The following PREX2 variants were observed in gnomAD, a reference collection of about 807,000 sequenced individuals.
PREX2 encodes phosphatidylinositol 3,4,5-trisphosphate-dependent Rac exchanger 2 protein.
Under a neutral mutation model 203.2 loss-of-function variants are expected in PREX2, and 107 were observed. That is an observed-to-expected ratio of 0.53 (90% CI 0.45 to 0.62). The LOEUF is 0.62. Ranked by LOEUF, PREX2 falls within the 20% of genes least tolerant of loss-of-function variation. The pLI, the probability that PREX2 is intolerant of heterozygous loss-of-function variation, is 0.00. For missense variants in PREX2, 1,777 were observed against 1,955.9 expected (o/e 0.91, Z 1.72); for synonymous variants, 672 against 663.6 (o/e 1.01, Z -0.19).
chr8:67,994,922 T>C (rs1444788112), intron 1 of PREX2, among the ~76,000 whole-genome samples: 1 of 152,102 alleles, frequency 6.6e-6, no homozygotes, highest in African/African-American at 2.4e-5. Context: ...TGCTAAGGAG[T>C]TCTACATGGT....
At chr8:68,057,800 G>C (rs1193015414) in intron 10 of PREX2, among the ~76,000 whole-genome samples, 1 of 152,196 alleles carries the variant, frequency 6.6e-6, no homozygotes, top group Admixed American at 6.5e-5. Flanking sequence ...CCATTGCAAT[G>C]CTGCCTAGTT....
At chr8:68,026,229 A>G (rs1807711968) in intron 4 of PREX2, among the ~76,000 whole-genome samples, 1 of 152,054 alleles carries the variant, frequency 6.6e-6, no homozygotes, top group African/African-American at 2.4e-5. Flanking sequence ...ACACATATTG[A>G]GGCTGATATG....
rs563557828 is a variant in PREX2, at chr8:68,217,044, G to A, written c.4605-572G>A. ...CTCACCAGTCACTAAATGCTGGTTA[G>A]AACACTTTTCTCAGGGCTACTCTGG... On this transcript the variant is annotated intron_variant, in intron 37 of 39. Transcript: ENST00000288368. Among the ~76,000 whole-genome samples the A allele has an allele frequency of 3.3e-5, 5 of 151,850 alleles. No individual in the cohort carries two copies. The South Asian group carries it at 1.0e-3, about 32-fold the overall frequency.
At chr8:67,975,118 A>G (rs959177587) in intron 1 of PREX2, among the ~76,000 whole-genome samples, 45 of 152,116 alleles carry the variant, frequency 3.0e-4, no homozygotes, top group African/African-American at 7.5e-4. Flanking sequence ...TGAATGGATG[A>G]TTTTTATTTT....
chr8:67,991,111 T>G (rs1806594230), intron 1 of PREX2, among the ~76,000 whole-genome samples: 1 of 152,218 alleles, frequency 6.6e-6, no homozygotes, highest in Non-Finnish European at 1.5e-5. Context: ...GGCTATATGC[T>G]TGATTTTAGA....
intron 25 of PREX2, chr8:68,110,936 A>G (rs924295235): frequency 4.6e-6 from 2 of 436,204 alleles, no homozygotes; most frequent in East Asian, 7.3e-5. Context: ...TTACAGATGA[A>G]TTAAACCGTT....
chr8:67,972,643 C>T (rs1349362714), intron 1 of PREX2, among the ~76,000 whole-genome samples: 1 of 152,176 alleles, frequency 6.6e-6, no homozygotes, highest in African/African-American at 2.4e-5. Flanking sequence ...GTTTGAAATT[C>T]CCTCCCTGTA....
rs1421099466 is a variant in PREX2 at position 68,235,031 on chromosome 8, T to C, written c.*3653T>C. The C allele has an allele frequency of 6.6e-6, 1 of 152,142 alleles. No homozygotes were observed. The highest frequency in any genetic ancestry group is 1.5e-5 in the Non-Finnish European group (1 of 67,992). The allele number at this position is 152,142 out of a possible 1,614,324, so 9.4% of individuals were successfully genotyped here. A position where few individuals can be genotyped will look rare whatever the true frequency, so the allele number is the denominator to read the frequency against. The stretch of plus-strand genomic sequence containing the variant: ...CAGTCCTTTGGGCTTGTACATTTTA[T>C]AGACAAAATTAGCATTTATTGATTT... On this transcript the variant is annotated 3_prime_UTR_variant, in exon 40 of 40. Transcript: ENST00000288368.
In PREX2 at chr8:68,138,398, T is replaced by C; in HGVS notation, c.3985-17T>C. ...TTATATCATCTTGTATTATATATTG[T>C]TTTTCTTTCTTTGTAGACAGATGAA... On this transcript the variant is annotated splice_polypyrimidine_tract_variant and intron_variant, in intron 32 of 39. Coordinates refer to ENST00000288368, the MANE Select transcript of PREX2 (RefSeq NM_024870.4). The C allele has an allele frequency of 7.3e-7, 1 of 1,371,210 alleles. No homozygotes were observed. Among genetic ancestry groups the C allele is most frequent in the Non-Finnish European group, 1.0e-6 (1 of 979,748 alleles). The allele number at this position is 1,371,210 out of a possible 1,614,324, so 84.9% of individuals were successfully genotyped here.
chr8:68,142,991 G>A (rs1811255746), intron 33 of PREX2, among the ~76,000 whole-genome samples: 1 of 152,140 alleles, frequency 6.6e-6, no homozygotes, highest in Non-Finnish European at 1.5e-5. Flanking sequence ...CCCTCTATGA[G>A]TGTATAGTGG....
chr8:68,218,309 T>C (rs1812884944), intron 38 of PREX2, among the ~76,000 whole-genome samples: 1 of 152,200 alleles, frequency 6.6e-6, no homozygotes. Flanking sequence ...TTCTATACAG[T>C]AGCCCAATAG....
intron 11 of PREX2, among the ~76,000 whole-genome samples, chr8:68,061,061 G>A (rs545005524): frequency 7.9e-5 from 12 of 152,286 alleles, no homozygotes; most frequent in South Asian, 2.1e-4. Flanking sequence ...AGTAATTAGA[G>A]TATTTGGGAG....
At chr8:68,204,848 AT>A (rs1812583346) in intron 37 of PREX2, among the ~76,000 whole-genome samples, 1 of 150,600 alleles carries the variant, frequency 6.6e-6, no homozygotes, top group Non-Finnish European at 1.5e-5. Flanking sequence ...CACCCGGCTA[AT>A]TTTTTGTATT....
chr8:68,075,921 T>C (rs958359518), intron 14 of PREX2, among the ~76,000 whole-genome samples: 2 of 151,974 alleles, frequency 1.3e-5, no homozygotes, highest in African/African-American at 4.8e-5. Flanking sequence ...GAGAAGGGCA[T>C]TGCAGCTATG....
rs369341821 is a variant in PREX2 at position 68,234,001 on chromosome 8, C to T, written c.*2623C>T. On this transcript the variant is annotated 3_prime_UTR_variant, in exon 40 of 40. Transcript: ENST00000288368. ...AATTATATGAAAATTATAGTGTTTCCTGGACATTTTACAACTCTGGATGCA... is the reference window on the plus strand; with the variant it reads ...AATTATATGAAAATTATAGTGTTTCTTGGACATTTTACAACTCTGGATGCA... The T allele has an allele frequency of 6.6e-6, 1 of 152,054 alleles. No homozygotes were observed. The highest frequency in any genetic ancestry group is 2.4e-5 in the African/African-American group (1 of 41,410). 9.4% of individuals were successfully genotyped at this position (152,054 alleles called of 1,614,324 possible). A position where few individuals can be genotyped will look rare whatever the true frequency, so the allele number is the denominator to read the frequency against.
chr8:68,083,870 C>T (rs1809604580), intron 18 of PREX2, among the ~76,000 whole-genome samples: 1 of 151,144 alleles, frequency 6.6e-6, no homozygotes, highest in Admixed American at 6.6e-5. Context: ...ATTCTATTAA[C>T]TATCTACCTA....
intron 5 of PREX2, among the ~76,000 whole-genome samples, chr8:68,028,726 T>C (rs1425140415): frequency 1.3e-5 from 2 of 152,004 alleles, no homozygotes; most frequent in Non-Finnish European, 2.9e-5. Context: ...GCATGTGTAC[T>C]CATAACTGCA....
intron 11 of PREX2, among the ~76,000 whole-genome samples, chr8:68,065,619 T>C (rs1241044590): frequency 6.6e-6 from 1 of 152,220 alleles, no homozygotes; most frequent in African/African-American, 2.4e-5. Flanking sequence ...ATGTAGTTAA[T>C]GAGAATTCTG....
At chr8:68,055,370 C>T (rs1808645373) in intron 9 of PREX2, among the ~76,000 whole-genome samples, 2 of 152,330 alleles carry the variant, frequency 1.3e-5, no homozygotes, top group South Asian at 4.1e-4. Context: ...CACACCTGTG[C>T]ATTCAAGACA....
Sources: allele counts gnomAD v4.1 joint callset (sites outside exome capture counted in the v4.1 genomes callset), GRCh38; gene constraint gnomAD v4.1.1; transcripts MANE v1.5; gene names NCBI Gene and HGNC (gene_info 2026-07-23, HGNC 2026-07-21).